SRGAP3: variants seen among roughly 807,000 people sequenced by gnomAD.
SRGAP3 encodes the protein SLIT-ROBO Rho GTPase-activating protein 3.
In SRGAP3, 39 loss-of-function variants were observed where a neutral mutation model predicts 121.1. That is an observed-to-expected ratio of 0.32 (90% confidence interval 0.25 to 0.42). SRGAP3 has a LOEUF of 0.42. SRGAP3 is among the 10% of genes least tolerant of loss of function. The probability of loss-of-function intolerance (pLI) is 1.00; values close to 1 mark genes in which losing one functional copy is unlikely to be tolerated. For synonymous variants in SRGAP3, 601 were observed against 570.0 expected, an observed-to-expected ratio of 1.05 and a Z score of -0.77; for missense variants, 1,213 against 1,470.6, an observed-to-expected ratio of 0.82 and a Z score of 2.86.
intron 4 of SRGAP3, among the ~76,000 whole-genome samples, chr3:9,066,805 AC>A (rs1946455367): frequency 6.6e-6 from 1 of 152,192 alleles, no homozygotes; most frequent in Admixed American, 6.5e-5. Context: ...AGGCTCTGTG[AC>A]TTTTATCATT....
At chr3:9,123,732 A>AGGTGTGTGTGTGTGTGTG (rs1553670654) in intron 2 of SRGAP3, among the ~76,000 whole-genome samples, 1 of 139,072 alleles carries the variant, frequency 7.2e-6, no homozygotes, top group African/African-American at 2.9e-5. Flanking sequence ...ATATGTATAT[A>AGGTGTGTGTGTGTGTGTG]TGTGTGTGTG....
intron 1 of SRGAP3, among the ~76,000 whole-genome samples, chr3:9,195,828 C>T (rs909691341): frequency 6.6e-5 from 10 of 151,974 alleles, no homozygotes; most frequent in Middle Eastern, 3.2e-3. Context: ...TGCTGGTGTG[C>T]GCCTGCAGTC....
At chr3:8,998,605 A>G (rs1268574175) in intron 18 of SRGAP3, among the ~76,000 whole-genome samples, 3 of 152,056 alleles carry the variant, frequency 2.0e-5, no homozygotes, top group African/African-American at 7.3e-5. Context: ...ATGTGTATAT[A>G]TACACACATA....
chr3:9,295,627 C>T (rs997761939), intron 3 of SRGAP3, among the ~76,000 whole-genome samples: 10 of 136,088 alleles, frequency 7.3e-5, no homozygotes, highest in Admixed American at 5.2e-4. Context: ...TTTTTTCTAT[C>T]GTGGTAAAAT....
chr3:9,000,050 G>A (rs191385709), intron 18 of SRGAP3, among the ~76,000 whole-genome samples: 3 of 152,320 alleles, frequency 2.0e-5, no homozygotes, highest in East Asian at 3.9e-4. Context: ...AGCTTGGGGA[G>A]ATGGAGGCTC....
chr3:9,201,188 A>G (rs1952058285), intron 1 of SRGAP3, among the ~76,000 whole-genome samples: 1 of 152,158 alleles, frequency 6.6e-6, no homozygotes, highest in South Asian at 2.1e-4. Context: ...CGGTGACGGA[A>G]GCCAACCATG....
At chr3:9,237,585 CAAG>C (rs1209016274) in intron 1 of SRGAP3, among the ~76,000 whole-genome samples, 3 of 152,098 alleles carry the variant, frequency 2.0e-5, no homozygotes, top group Non-Finnish European at 4.4e-5. Flanking sequence ...AGCAGAATAC[CAAG>C]AAGGAGCCAA....
chr3:9,062,851 G>A (rs1222230295), intron 5 of SRGAP3, among the ~76,000 whole-genome samples: 4 of 152,118 alleles, frequency 2.6e-5, no homozygotes, highest in Non-Finnish European at 5.9e-5. Context: ...TCTTTGAATG[G>A]ACATATGTTT....
At chr3:9,223,589 C>G (rs1324067916) in intron 1 of SRGAP3, among the ~76,000 whole-genome samples, 1 of 152,212 alleles carries the variant, frequency 6.6e-6, no homozygotes, top group African/African-American at 2.4e-5. Context: ...CAGTCCAACT[C>G]CACCTGCATC....
At chr3:9,272,375 A>G in intron 3 of SRGAP3, among the ~76,000 whole-genome samples, 1 of 152,170 alleles carries the variant, frequency 6.6e-6, no homozygotes, top group Non-Finnish European at 1.5e-5. Flanking sequence ...TCATCATCCC[A>G]AACTGAAACT....
intron 1 of SRGAP3, chr3:9,219,289 G>C (rs1396050012): frequency 6.6e-6 from 1 of 152,140 alleles, no homozygotes; most frequent in Non-Finnish European, 1.5e-5. Flanking sequence ...TCATTTCTGA[G>C]GTGGTCAGCC....
intron 3 of SRGAP3, among the ~76,000 whole-genome samples, chr3:9,081,096 G>A (rs1347601751): frequency 6.6e-6 from 1 of 152,204 alleles, no homozygotes; most frequent in African/African-American, 2.4e-5. Flanking sequence ...CTGAAGGCTT[G>A]TCTTCCTTGA....
intron 1 of SRGAP3, among the ~76,000 whole-genome samples, chr3:9,151,533 G>A (rs971482034): frequency 5.3e-5 from 8 of 152,224 alleles, no homozygotes; most frequent in Non-Finnish European, 1.0e-4. Context: ...GGTTGGAAAG[G>A]AGAGAATGAA....
At chr3:9,229,687 C>T (rs1310307362) in intron 1 of SRGAP3, among the ~76,000 whole-genome samples, 1 of 152,172 alleles carries the variant, frequency 6.6e-6, no homozygotes, top group Admixed American at 6.5e-5. Context: ...GCCAGTTGGT[C>T]CCTACCCCAT....
intron 3 of SRGAP3, among the ~76,000 whole-genome samples, chr3:9,279,249 G>A (rs1272776642): frequency 6.6e-6 from 1 of 152,146 alleles, no homozygotes; most frequent in Non-Finnish European, 1.5e-5. Context: ...CATCGAAGAG[G>A]GGTGGGATAA....
intron 3 of SRGAP3, among the ~76,000 whole-genome samples, chr3:9,275,411 C>T (rs962795743): frequency 2.6e-5 from 4 of 152,114 alleles, no homozygotes; most frequent in Admixed American, 2.0e-4. Flanking sequence ...CTATCCACTG[C>T]TCTTCAAACC....
chr3:9,017,289 C>T (rs573808615), intron 14 of SRGAP3, among the ~76,000 whole-genome samples: 3 of 152,074 alleles, frequency 2.0e-5, no homozygotes, highest in South Asian at 2.1e-4. Context: ...TTTTCATTAC[C>T]TTCACTTATT....
Position 9,058,772 on chromosome 3 carries a change from T to C in SRGAP3, c.802-300A>G, listed in dbSNP as rs111347605. On this transcript the variant is annotated intron_variant, in intron 6 of 21. Coordinates refer to ENST00000383836, the MANE Select transcript of SRGAP3 (RefSeq NM_014850.4). The stretch of plus-strand genomic sequence containing the variant: ...TCTAGCTCTGTCACTTAGGCTGGAG[T>C]GCAGTGGCACGATCTCGGCTCACTG... 2.8e-3 allele frequency: 1,007 copies of C among 360,490 alleles called. 17 individuals carry two copies. The highest frequency in any genetic ancestry group is 0.021 in the African/African-American group (910 of 43,790). 22.3% of individuals were successfully genotyped at this position (360,490 alleles called of 1,614,324 possible). A position where few individuals can be genotyped will look rare whatever the true frequency, so the allele number is the denominator to read the frequency against.
chr3:9,019,564 G>C (rs868078864), intron 14 of SRGAP3, among the ~76,000 whole-genome samples: 1 of 152,216 alleles, frequency 6.6e-6, no homozygotes, highest in South Asian at 2.1e-4. Flanking sequence ...TCCTCCTCCT[G>C]AACAGCGAAG....
Sources: allele counts gnomAD v4.1 joint callset (sites outside exome capture counted in the v4.1 genomes callset), GRCh38; gene constraint gnomAD v4.1.1; transcripts MANE v1.5; gene names NCBI Gene and HGNC (gene_info 2026-07-23, HGNC 2026-07-21).